CAMKMT: variants seen among roughly 807,000 people sequenced by gnomAD.
CAMKMT encodes calmodulin-lysine N-methyltransferase, also known as CaM KMT.
A neutral mutation model predicts 48.0 loss-of-function variants in CAMKMT; 53 were observed. The ratio of observed to expected loss-of-function variants is 1.10; its 90% CI spans 0.89 to 1.39. CAMKMT has a LOEUF of 1.39. Ranked by LOEUF, CAMKMT falls within the 40% of genes most tolerant of loss-of-function variation. The pLI is 0.00. For synonymous variants in CAMKMT, 165 were observed against 152.3 expected (o/e 1.08, Z -0.61); for missense variants, 428 against 402.7 (o/e 1.06, Z -0.54).
chr2:44,613,319 A>T (rs1224059606), intron 3 of CAMKMT, among the ~76,000 whole-genome samples: 1 of 152,136 alleles, frequency 6.6e-6, no homozygotes, highest in Non-Finnish European at 1.5e-5. Flanking sequence ...TGAATGCCAT[A>T]CCCCACCTCT....
chr2:44,441,061 C>G (rs1269607221), intron 3 of CAMKMT, among the ~76,000 whole-genome samples: 1 of 152,160 alleles, frequency 6.6e-6, no homozygotes, highest in African/African-American at 2.4e-5. Context: ...CCTATTAAAT[C>G]ATATTCTTCC....
At chr2:44,659,525 T>G in intron 3 of CAMKMT, among the ~76,000 whole-genome samples, 1 of 149,722 alleles carries the variant, frequency 6.7e-6, no homozygotes, top group Admixed American at 6.7e-5. Context: ...AGCTCAGGAG[T>G]TCTAGACCAG....
At chr2:44,646,372 C>G (rs569264890) in intron 3 of CAMKMT, among the ~76,000 whole-genome samples, 2 of 151,562 alleles carry the variant, frequency 1.3e-5, no homozygotes, top group South Asian at 4.2e-4. Flanking sequence ...CTGAAGGTCA[C>G]CTTAATAGGA....
At chr2:44,437,772 G>A (rs1043544895) in intron 3 of CAMKMT, among the ~76,000 whole-genome samples, 15 of 150,456 alleles carry the variant, frequency 1.0e-4, no homozygotes, top group African/African-American at 3.4e-4. Context: ...CTTGAGCCCA[G>A]GAGTTTGAAG....
chr2:44,629,413 A>G (rs1050264094), intron 3 of CAMKMT, among the ~76,000 whole-genome samples: 13 of 146,024 alleles, frequency 8.9e-5, no homozygotes, highest in South Asian at 2.2e-4. Context: ...CTCACTGTGT[A>G]TGCATTTCTT....
intron 7 of CAMKMT, among the ~76,000 whole-genome samples, chr2:44,740,090 T>C (rs1033178475): frequency 2.0e-5 from 3 of 150,698 alleles, no homozygotes; most frequent in Non-Finnish European, 4.4e-5. Flanking sequence ...AGTGTGGTGG[T>C]AGGAGTTTAT....
intron 3 of CAMKMT, among the ~76,000 whole-genome samples, chr2:44,566,071 A>G (rs1222403912): frequency 1.3e-5 from 2 of 152,258 alleles, no homozygotes; most frequent in African/African-American, 4.8e-5. Context: ...ATGTCAATTA[A>G]ACATTTGTAA....
At chr2:44,393,730 A>G (rs1014156598) in intron 3 of CAMKMT, among the ~76,000 whole-genome samples, 2 of 152,134 alleles carry the variant, frequency 1.3e-5, no homozygotes, top group African/African-American at 4.8e-5. Context: ...CTCCTTTGAT[A>G]TGTCGCTCAG....
At chr2:44,606,469 T>C (rs920179961) in intron 3 of CAMKMT, among the ~76,000 whole-genome samples, 3 of 152,160 alleles carry the variant, frequency 2.0e-5, no homozygotes, top group African/African-American at 7.2e-5. Context: ...AAACACCAGA[T>C]CCACAGACTG....
At chr2:44,753,887 A>G (rs1573233955) in intron 8 of CAMKMT, among the ~76,000 whole-genome samples, 168 bp from the exon 9 acceptor site, 1 of 152,234 alleles carries the variant, frequency 6.6e-6, no homozygotes, top group African/African-American at 2.4e-5. Flanking sequence ...TGACCACAAT[A>G]TCTTCTCCCC....
intron 3 of CAMKMT, among the ~76,000 whole-genome samples, chr2:44,659,830 T>C (rs555342189): frequency 1.8e-3 from 277 of 152,274 alleles, no homozygotes; most frequent in Non-Finnish European, 2.9e-3. Flanking sequence ...AAACTATTTA[T>C]TTCTATTTTC....
intron 3 of CAMKMT, among the ~76,000 whole-genome samples, chr2:44,412,091 AAC>A (rs1159808704): frequency 2.0e-5 from 3 of 151,442 alleles, no homozygotes; most frequent in South Asian, 2.1e-4. Flanking sequence ...TATCAGAGAA[AAC>A]ACAGCATATA....
chr2:44,388,903 G>C (rs893071372), intron 2 of CAMKMT, among the ~76,000 whole-genome samples: 8 of 152,124 alleles, frequency 5.3e-5, no homozygotes, highest in African/African-American at 1.4e-4. Context: ...TCTGGTGGAG[G>C]TGGCGGGGTG....
At chr2:44,681,773 C>T (rs1213280574) in intron 3 of CAMKMT, among the ~76,000 whole-genome samples, 1 of 152,162 alleles carries the variant, frequency 6.6e-6, no homozygotes, top group Non-Finnish European at 1.5e-5. Flanking sequence ...TTTAATACCA[C>T]TTAAATATCA....
intron 3 of CAMKMT, among the ~76,000 whole-genome samples, chr2:44,546,242 T>C (rs1316783459): frequency 1.3e-5 from 2 of 149,954 alleles, no homozygotes; most frequent in Non-Finnish European, 3.0e-5. Flanking sequence ...CAATTTCACA[T>C]CTAAGTTCTG....
intron 3 of CAMKMT, among the ~76,000 whole-genome samples, chr2:44,575,280 T>C (rs1669153631): frequency 6.6e-6 from 1 of 151,910 alleles, no homozygotes; most frequent in Non-Finnish European, 1.5e-5. Flanking sequence ...GGTTTTGTCA[T>C]GTTGGCCAGG....
intron 3 of CAMKMT, among the ~76,000 whole-genome samples, chr2:44,625,465 G>A (rs540399384): frequency 1.3e-5 from 2 of 151,930 alleles, no homozygotes; most frequent in African/African-American, 4.8e-5. Flanking sequence ...TCTTTGGCTT[G>A]CCTTTTTATT....
chr2:44,707,319 A>G, intron 5 of CAMKMT, 80 bp from the exon 6 acceptor site: 1 of 1,200,816 alleles, frequency 8.3e-7, no homozygotes, highest in Non-Finnish European at 1.2e-6. Flanking sequence ...ATGATACTGA[A>G]GGCTTGTCAC....
chr2:44,483,036 A>G (rs536088543), intron 3 of CAMKMT, among the ~76,000 whole-genome samples: 1 of 152,254 alleles, frequency 6.6e-6, no homozygotes. Flanking sequence ...CAATGGAATC[A>G]ACAAGTACAT....
Sources: allele counts gnomAD v4.1 joint callset (sites outside exome capture counted in the v4.1 genomes callset), GRCh38; gene constraint gnomAD v4.1.1; transcripts MANE v1.5; gene names NCBI Gene and HGNC (gene_info 2026-07-23, HGNC 2026-07-21).